EEF1E1: variants seen among roughly 807,000 people sequenced by gnomAD.
EEF1E1 encodes the protein eukaryotic translation elongation factor 1 epsilon 1.
EEF1E1 carries 19 observed loss-of-function variants against 19.9 expected under a neutral mutation model. The observed-to-expected ratio is 0.95, with a 90% confidence interval of 0.66 to 1.40. The LOEUF is 1.40. Among genes scored for constraint, EEF1E1 ranks in the 40% most tolerant of loss-of-function variants. The pLI is 0.00. For missense variants in EEF1E1, 198 were observed against 202.2 expected (o/e 0.98, Z 0.13); for synonymous variants, 81 against 80.0 (o/e 1.01, Z -0.07).
chr6:8,075,088 G>A (rs1172142228), downstream of EEF1E1, among the ~76,000 whole-genome samples: 2 of 152,164 alleles, frequency 1.3e-5, no homozygotes, highest in Non-Finnish European at 2.9e-5. Flanking sequence ...TGAATGGGGG[G>A]AGAAGACAGA....
intron 3 of EEF1E1, among the ~76,000 whole-genome samples, chr6:8,086,258 T>C (rs770345039): frequency 6.6e-6 from 1 of 152,132 alleles, no homozygotes; most frequent in Non-Finnish European, 1.5e-5. Flanking sequence ...TCTATGACTG[T>C]CATGAAGCCC....
intron 3 of EEF1E1, among the ~76,000 whole-genome samples, chr6:8,089,063 T>C (rs1177482359): frequency 6.6e-6 from 1 of 152,086 alleles, no homozygotes. Flanking sequence ...GCTTGGATCT[T>C]GGATGTAAGA....
At chr6:8,081,069 A>G (rs1757712079) in intron 3 of EEF1E1, among the ~76,000 whole-genome samples, 1 of 152,284 alleles carries the variant, frequency 6.6e-6, no homozygotes, top group Non-Finnish European at 1.5e-5. Context: ...ACAAAAGGAT[A>G]TTAACAATAA....
chr6:8,078,429 C>T (rs1330643556), downstream of EEF1E1: 1 of 185,178 alleles, frequency 5.4e-6, no homozygotes, highest in Non-Finnish European at 1.1e-5. Flanking sequence ...ACAATAGTAA[C>T]AAAGATCACG....
chr6:8,093,434 CTAA>C (rs1758078925), intron 2 of EEF1E1, among the ~76,000 whole-genome samples: 1 of 143,808 alleles, frequency 7.0e-6, no homozygotes. Flanking sequence ...ATTAAATTTT[CTAA>C]TAATACAAAA....
At chr6:8,076,363 G>T (rs1361674716), downstream of EEF1E1, among the ~76,000 whole-genome samples, 1 of 152,074 alleles carries the variant, frequency 6.6e-6, no homozygotes, top group Non-Finnish European at 1.5e-5. Context: ...TCGCTCCGTT[G>T]CCCAGGCTGG....
rs911761530 is a variant in EEF1E1, at chr6:8,079,838, A to G, written c.*52T>C. ...ACATTAGTCCTGTGGTCTAGAGTAC[A>G]TTTTCCATTTAAAACATTTTTAATA... On this transcript the variant is annotated 3_prime_UTR_variant, in exon 4 of 4. Transcript: ENST00000379715. The G allele has an allele frequency of 6.3e-7, 1 of 1,580,154 alleles. No individual in the cohort carries two copies. Among genetic ancestry groups the G allele is most frequent in the Non-Finnish European group, 8.6e-7 (1 of 1,160,930 alleles).
intron 3 of EEF1E1, among the ~76,000 whole-genome samples, chr6:8,085,323 T>G (rs1757824354): frequency 6.6e-6 from 1 of 152,030 alleles, no homozygotes; most frequent in South Asian, 2.1e-4. Flanking sequence ...TAATGGTTTT[T>G]TTTTTTTTTA....
At chr6:8,080,273 G>T (rs1364836713) in intron 3 of EEF1E1, among the ~76,000 whole-genome samples, 5 of 152,136 alleles carry the variant, frequency 3.3e-5, no homozygotes, top group Non-Finnish European at 4.4e-5. Flanking sequence ...GAAATACCAA[G>T]TTTTCAACAA....
chr6:8,101,700 C>A, intron 1 of EEF1E1: 1 of 1,249,800 alleles, frequency 8.0e-7, no homozygotes, highest in Admixed American at 2.5e-5. Flanking sequence ...CTAATACATT[C>A]CTTCTACGAC....
intron 1 of EEF1E1, among the ~76,000 whole-genome samples, chr6:8,099,908 G>A (rs1263910417): frequency 6.6e-6 from 1 of 151,936 alleles, no homozygotes; most frequent in Non-Finnish European, 1.5e-5. Flanking sequence ...ATGTGTTGAT[G>A]TACCATAATT....
At chr6:8,087,451 C>A (rs1450690243) in intron 3 of EEF1E1, among the ~76,000 whole-genome samples, 4 of 152,216 alleles carry the variant, frequency 2.6e-5, no homozygotes, top group African/African-American at 9.6e-5. Context: ...CTCCTGACCT[C>A]AGGTGATCCA....
At chr6:8,088,012 C>T (rs1757910027) in intron 3 of EEF1E1, among the ~76,000 whole-genome samples, 1 of 152,118 alleles carries the variant, frequency 6.6e-6, no homozygotes, top group African/African-American at 2.4e-5. Context: ...GTTTCTGGAC[C>T]TCGTTCCACC....
intron 1 of EEF1E1, chr6:8,101,804 TA>T: frequency 7.8e-7 from 1 of 1,289,380 alleles, no homozygotes; most frequent in South Asian, 1.2e-5. Context: ...TCGTAACACT[TA>T]AACTGATAAT....
intron 1 of EEF1E1, chr6:8,102,001 TC>T: frequency 8.1e-7 from 1 of 1,234,118 alleles, no homozygotes; most frequent in Non-Finnish European, 1.0e-6. Context: ...ATCATTGTAT[TC>T]CCCAGACCCA....
intron 3 of EEF1E1, among the ~76,000 whole-genome samples, chr6:8,084,588 A>G (rs1459791835): frequency 6.6e-6 from 1 of 152,232 alleles, no homozygotes; most frequent in Non-Finnish European, 1.5e-5. Context: ...ACAGCAAGCA[A>G]GATCTTGTGG....
chr6:8,087,280 C>T (rs920285324), intron 3 of EEF1E1, among the ~76,000 whole-genome samples: 65 of 152,260 alleles, frequency 4.3e-4, no homozygotes, highest in Middle Eastern at 3.4e-3. Flanking sequence ...TGCCTTGGTG[C>T]GATCTCTGCT....
In EEF1E1 at chr6:8,079,831, A is replaced by C. The variant is rs1394811779; in HGVS notation, c.*59T>G. Reference sequence around the variant, plus strand: ...TTAATTTACATTAGTCCTGTGGTCTAGAGTACATTTTCCATTTAAAACATT... The same window carrying C: ...TTAATTTACATTAGTCCTGTGGTCTCGAGTACATTTTCCATTTAAAACATT... On this transcript the variant is annotated 3_prime_UTR_variant, in exon 4 of 4. Coordinates refer to ENST00000379715, the MANE Select transcript of EEF1E1 (RefSeq NM_004280.5). 1 of 1,570,278 alleles carries C rather than the reference A, an allele frequency of 6.4e-7. No homozygotes were observed. The highest frequency in any genetic ancestry group is 1.4e-5 in the African/African-American group (1 of 73,974).
Position 8,093,324 on chromosome 6 carries a change from CTTTTTTT to C in EEF1E1, c.289-3050_289-3044del, listed in dbSNP as rs57000456. On this transcript the variant is annotated intron_variant, in intron 2 of 3. Transcript: ENST00000379715. ...ACTAATTATGTCTGACATTCGCTTC[CTTTTTTT>C]TTTTTTTTTTTTACAATTCTTTCTG... Among the ~76,000 whole-genome samples, 6 of 135,054 alleles carry C rather than the reference CTTTTTTT, an allele frequency of 4.4e-5. No individual in the cohort carries two copies. The South Asian group carries it at 7.0e-4, about 16-fold the overall frequency. 88.6% of individuals were successfully genotyped at this position (135,054 alleles called of 152,430 possible).
Sources: gnomAD v4.1 joint callset for allele counts (sites outside exome capture counted in the v4.1 genomes callset) on GRCh38, gnomAD v4.1.1 for gene constraint, MANE v1.5 for transcripts, NCBI Gene and HGNC (gene_info 2026-07-23, HGNC 2026-07-21) for gene names.